ZNF516: variants seen among roughly 807,000 people sequenced by gnomAD.
ZNF516 encodes zinc finger protein 516.
A neutral mutation model predicts 79.7 loss-of-function variants in ZNF516; 19 were observed. The ratio of observed to expected loss-of-function variants is 0.24; its 90% confidence interval spans 0.17 to 0.35. The LOEUF is 0.35. Ranked by LOEUF, ZNF516 falls within the 10% of genes least tolerant of loss-of-function variation. The pLI is 1.00. For missense variants in ZNF516, 1,678 were observed against 1,679.5 expected (o/e 1.00, Z 0.02); for synonymous variants, 877 against 739.5 (o/e 1.19, Z -3.02).
At chr18:76,401,990 T>C (rs2075235324) in intron 3 of ZNF516, among the ~76,000 whole-genome samples, 1 of 148,930 alleles carries the variant, frequency 6.7e-6, no homozygotes, top group African/African-American at 2.4e-5. Context: ...TGTGCATGTG[T>C]GTACGCGCGT....
intron 3 of ZNF516, among the ~76,000 whole-genome samples, chr18:76,383,676 C>T (rs2074931856): frequency 6.6e-6 from 1 of 152,214 alleles, no homozygotes. Flanking sequence ...CTTCCCCGGA[C>T]CCTCTTCTGA....
chr18:76,370,691 A>C lies in ZNF516; in HGVS notation c.3365-96T>G, dbSNP rs575314718. On this transcript the variant is annotated intron_variant, in intron 5 of 6. Coordinates refer to ENST00000443185, the MANE Select transcript of ZNF516 (RefSeq NM_014643.4). ...TACAGATTAAGTACTTCCACAAAAA[A>C]AGACACCAGCGCCTAGCCTGTGGCT... 1.0e-5 allele frequency: 11 copies of C among 1,054,350 alleles called. No homozygotes were observed. In the East Asian group the frequency reaches 2.7e-4, roughly 26 times the overall value. 65.3% of individuals were successfully genotyped at this position (1,054,350 alleles called of 1,614,324 possible). A position where few individuals can be genotyped will look rare whatever the true frequency, so the allele number is the denominator to read the frequency against.
At chr18:76,412,391 C>T (rs982904148) in intron 3 of ZNF516, among the ~76,000 whole-genome samples, 28 of 152,184 alleles carry the variant, frequency 1.8e-4, no homozygotes, top group Non-Finnish European at 7.4e-5. Context: ...CAGCCCAAGG[C>T]TCTCCTCCCC....
intron 1 of ZNF516, among the ~76,000 whole-genome samples, chr18:76,480,616 G>T (rs998951999): frequency 6.6e-6 from 1 of 151,350 alleles, no homozygotes; most frequent in African/African-American, 2.4e-5. Context: ...TCCATCTCCC[G>T]GATTGAAGCA....
At position 76,379,819 on chromosome 18, in the gene ZNF516, G is replaced by A. The variant is rs2074859234; in HGVS notation, c.2295C>T (p.Cys765=). 1 of 1,613,704 alleles carries A rather than the reference G, an allele frequency of 6.2e-7. No homozygotes were observed. The highest frequency in any genetic ancestry group is 8.5e-7 in the Non-Finnish European group (1 of 1,179,830). The change falls in exon 4 of 7, where the codon TGC becomes TGT. Residue 765 remains cysteine (C), a synonymous_variant. Coordinates refer to ENST00000443185, the MANE Select transcript of ZNF516 (RefSeq NM_014643.4). The stretch of plus-strand genomic sequence containing the variant: ...CCTCGGGGTAGTAGGTCTTGTGGCT[G>A]CAGTAAGGACACGGGTGAACGACTA... ...AALVVHPCPY[C]SHKTYYPEVL...
At chr18:76,432,491 T>C (rs1001684752) in intron 3 of ZNF516, among the ~76,000 whole-genome samples, 8 of 152,254 alleles carry the variant, frequency 5.3e-5, no homozygotes, top group African/African-American at 1.9e-4. Context: ...TCACCTGAGC[T>C]GAAACAGAGA....
chr18:76,451,719 G>T lies in ZNF516; in HGVS notation c.-157-8508C>A, dbSNP rs1008652846. Reference sequence around the variant, plus strand: ...TTTGTTCTCCGGGAAACAATGAGACGGGCTTCACTAGTTACACTGTAGTAT... The same window carrying T: ...TTTGTTCTCCGGGAAACAATGAGACTGGCTTCACTAGTTACACTGTAGTAT... On this transcript the variant is annotated intron_variant, in intron 2 of 6. Coordinates refer to ENST00000443185, the MANE Select transcript of ZNF516 (RefSeq NM_014643.4). The surrounding 1 kb of genome is among the most constrained non-coding windows in gnomAD (Gnocchi z 6.0). 1.3e-5 allele frequency among the ~76,000 whole-genome samples: 2 copies of T among 152,076 alleles called. No homozygotes were observed. Among genetic ancestry groups the T allele is most frequent in the Non-Finnish European group, 2.9e-5 (2 of 68,030 alleles).
At chr18:76,385,565 T>C (rs535587967) in intron 3 of ZNF516, 63 of 152,360 alleles carry the variant, frequency 4.1e-4, no homozygotes, top group African/African-American at 1.3e-3. Flanking sequence ...GGGCTGCCTA[T>C]TCGTCATGTT....
In ZNF516 at chr18:76,441,980, T is replaced by C; in HGVS notation, c.1075A>G (p.Arg359Gly). The change falls in exon 3 of 7, where the codon AGA becomes GGA. Residue 359 changes from arginine to glycine, a missense_variant. Arg to Gly is a moderately radical substitution (Grantham distance 125, BLOSUM62 -2). Coordinates refer to ENST00000443185, the MANE Select transcript of ZNF516 (RefSeq NM_014643.4). Reference sequence around the variant, plus strand: ...GCGCGCGTGCGGCTGGCCTCGACTCTGCGGTGGATGGCATTGTGGGCGTTC... The same window carrying C: ...GCGCGCGTGCGGCTGGCCTCGACTCCGCGGTGGATGGCATTGTGGGCGTTC... Reference protein sequence around the residue: ...SLNAHNAIHRRVEASRTRAPA... With the variant: ...SLNAHNAIHRGVEASRTRAPA... 6.2e-7 allele frequency: 1 copy of C among 1,613,130 alleles called. No homozygotes were observed. The highest frequency in any genetic ancestry group is 1.7e-4 in the Middle Eastern group (1 of 6,060).
chr18:76,369,911 G>A (rs1003249420), intron 6 of ZNF516, among the ~76,000 whole-genome samples: 1 of 152,120 alleles, frequency 6.6e-6, no homozygotes, highest in African/African-American at 2.4e-5. Flanking sequence ...GCGGGCTGTG[G>A]GTGCCTCTCT....
At chr18:76,413,233 A>T (rs1358131674) in intron 3 of ZNF516, among the ~76,000 whole-genome samples, 1 of 152,230 alleles carries the variant, frequency 6.6e-6, no homozygotes, top group Non-Finnish European at 1.5e-5. Flanking sequence ...AAACCTTGCC[A>T]AAACAATAAA....
chr18:76,489,314 G>A (rs1446922487), intron 1 of ZNF516, among the ~76,000 whole-genome samples: 1 of 152,138 alleles, frequency 6.6e-6, no homozygotes, highest in Non-Finnish European at 1.5e-5. Context: ...TCCCCATTTG[G>A]TAAGACTGAA....
intron 2 of ZNF516, among the ~76,000 whole-genome samples, chr18:76,461,042 C>T (rs1326445579): frequency 1.3e-5 from 2 of 152,072 alleles, no homozygotes; most frequent in Admixed American, 6.5e-5. Flanking sequence ...ATTAGCCGGG[C>T]GTGGTGGCGC....
intron 1 of ZNF516, among the ~76,000 whole-genome samples, chr18:76,473,025 A>C (rs1490310680): frequency 6.6e-6 from 1 of 152,244 alleles, no homozygotes; most frequent in Non-Finnish European, 1.5e-5. Flanking sequence ...TCTTTCCCAA[A>C]GGGGAAGTCA....
intron 3 of ZNF516, chr18:76,386,332 C>T (rs7226395): frequency 6.6e-6 from 1 of 151,938 alleles, no homozygotes; most frequent in African/African-American, 2.4e-5. Flanking sequence ...GAGCTCAACA[C>T]CGGGGGCTCA....
At position 76,465,084 on chromosome 18, in the gene ZNF516, A is replaced by G. The variant is rs554427300; in HGVS notation, c.-271-1943T>C. On this transcript the variant is annotated intron_variant, in intron 1 of 6. Coordinates refer to ENST00000443185, the MANE Select transcript of ZNF516 (RefSeq NM_014643.4). ...GGCCCAGGGCTCGCCACGCAGCTCA[A>G]GGCTGGCATGCATCGTACACCAAAA... 4.6e-3 allele frequency among the ~76,000 whole-genome samples: 697 copies of G among 152,346 alleles called. 6 individuals are homozygous for G. Among genetic ancestry groups the G allele is most frequent in the African/African-American group, 0.016 (664 of 41,578 alleles).
chr18:76,374,993 C>T (rs1468347124), intron 4 of ZNF516, among the ~76,000 whole-genome samples: 3 of 152,156 alleles, frequency 2.0e-5, no homozygotes, highest in Non-Finnish European at 4.4e-5. Flanking sequence ...AAAGAAACAG[C>T]TGAACAGAAA....
chr18:76,484,035 A>T (rs1191997588), intron 1 of ZNF516, among the ~76,000 whole-genome samples: 1 of 152,194 alleles, frequency 6.6e-6, no homozygotes, highest in Non-Finnish European at 1.5e-5. Context: ...GGCTCTCCCT[A>T]CACTGCCCTA....
At chr18:76,485,906 T>C in intron 1 of ZNF516, among the ~76,000 whole-genome samples, 1 of 107,280 alleles carries the variant, frequency 9.3e-6, no homozygotes, top group Non-Finnish European at 2.2e-5. Flanking sequence ...AAGCTGAGTC[T>C]TTTTGACAAA....
Sources: gnomAD v4.1 joint callset for allele counts (sites outside exome capture counted in the v4.1 genomes callset) on GRCh38, gnomAD v4.1.1 for gene constraint, Gnocchi (gnomAD v3.1) non-coding constraint, MANE v1.5 for transcripts, NCBI Gene and HGNC (gene_info 2026-07-23, HGNC 2026-07-21) for gene names.